The following ERCC2 variants were observed in gnomAD, a reference collection of about 807,000 sequenced individuals.
The protein encoded by ERCC2 is general transcription and DNA repair factor IIH helicase subunit XPD.
Under a neutral mutation model 99.4 loss-of-function variants are expected in ERCC2, and 90 were observed. That is an observed-to-expected ratio of 0.91 (90% confidence interval 0.76 to 1.08). The LOEUF (loss-of-function observed/expected upper bound fraction) is 1.08, where lower values mean the gene tolerates loss of function less well. Ranked by LOEUF, ERCC2 falls within the 50% of genes least tolerant of loss-of-function variation. The pLI is 0.00. For missense variants in ERCC2, 993 were observed against 1,038.1 expected, an observed-to-expected ratio of 0.96 and a Z score of 0.60; for synonymous variants, 497 against 432.4, an observed-to-expected ratio of 1.15 and a Z score of -1.85.
intron 5 of ERCC2, among the ~76,000 whole-genome samples, chr19:45,367,360 TATATATATACACACAC>T (rs886426556): frequency 1.5e-4 from 7 of 47,466 alleles, no homozygotes; most frequent in African/African-American, 5.1e-4. Context: ...CAAAAATATA[TATATATATACACACAC>T]ACACACACAC....
Position 45,354,710 on chromosome 19 carries a change from G to C in ERCC2, c.1665+20C>G. On this transcript the variant is annotated intron_variant, in intron 17 of 22. Coordinates refer to ENST00000391945, the MANE Select transcript of ERCC2 (RefSeq NM_000400.4). ...AGGGACTGAGGAGAGCAGGTGCAGG[G>C]AGGGGGTGGCCAGGCGTACCTGCTC... 1 of 1,613,438 alleles carries C rather than the reference G, an allele frequency of 6.2e-7. No homozygotes were observed. The highest frequency in any genetic ancestry group is 8.5e-7 in the Non-Finnish European group (1 of 1,179,726).
chr19:45,368,845 G>T, intron 4 of ERCC2, 85 bp downstream of exon 4: 1 of 1,576,310 alleles, frequency 6.3e-7, no homozygotes, highest in Non-Finnish European at 8.7e-7. Flanking sequence ...AAACACCCCC[G>T]AAAGCTGGTG....
At position 45,370,149 on chromosome 19, in the gene ERCC2, C is replaced by G; in HGVS notation, c.89G>C (p.Arg30Pro). The change falls in exon 2 of 23, where the codon CGC becomes CCC. Residue 30 changes from arginine to proline, a missense_variant. Coordinates refer to ENST00000391945, the MANE Select transcript of ERCC2 (RefSeq NM_000400.4). ...GCCACCCACCTTGGCGTCCAGCGTG[C>G]GTTTGAGCTCCCGCATGTAGGAGAA... ...EQFSYMRELK[R>P]TLDAKGHGVL... 2 of 1,613,108 alleles carry G rather than the reference C, an allele frequency of 1.2e-6. No individual in the cohort carries two copies. Among genetic ancestry groups the G allele is most frequent in the Non-Finnish European group, 1.7e-6 (2 of 1,179,266 alleles).
At position 45,357,549 on chromosome 19, in the gene ERCC2, G is replaced by A. The variant is rs759339375; in HGVS notation, c.1308-6C>T. The A allele has an allele frequency of 1.2e-6, 2 of 1,614,222 alleles. No homozygotes were observed. The highest frequency in any genetic ancestry group is 1.1e-5 in the South Asian group (1 of 91,082). ...CCAGCGAGGCGTCCATGCAGCTGGAGAGAGATGAGGGCAGTGAGGGCCCGG... is the reference window on the plus strand; with the variant it reads ...CCAGCGAGGCGTCCATGCAGCTGGAAAGAGATGAGGGCAGTGAGGGCCCGG... On this transcript the variant is annotated splice_region_variant and splice_polypyrimidine_tract_variant and intron_variant, in intron 13 of 22. Transcript: ENST00000391945.
intron 17 of ERCC2, among the ~76,000 whole-genome samples, chr19:45,353,917 CCTCT>C (rs1157267770): frequency 2.0e-5 from 3 of 152,176 alleles, no homozygotes; most frequent in Non-Finnish European, 4.4e-5. Flanking sequence ...AACAAAGGAG[CCTCT>C]CTCTATGACC....
chr19:45,350,410 G>C lies in ERCC2; in HGVS notation c.*1219C>G. The C allele has an allele frequency of 6.2e-7, 1 of 1,613,766 alleles. No individual in the cohort carries two copies. Among genetic ancestry groups the C allele is most frequent in the Non-Finnish European group, 8.5e-7 (1 of 1,179,924 alleles). On this transcript the variant is annotated 3_prime_UTR_variant, in exon 23 of 23. Coordinates refer to ENST00000391945, the MANE Select transcript of ERCC2 (RefSeq NM_000400.4). ...GCTGTACAAAGAAATCCTCCACAAG[G>C]AGGACCTACCCGCCCCTCTCGGTGA... is the stretch of plus-strand genomic sequence containing the variant.
chr19:45,353,765 G>A (rs560393169), intron 17 of ERCC2, among the ~76,000 whole-genome samples: 1 of 152,326 alleles, frequency 6.6e-6, no homozygotes, highest in South Asian at 2.1e-4. Flanking sequence ...TCAGTGGGGA[G>A]AGCTTTTACT....
chr19:45,351,833 ATGAATT>A, intron 22 of ERCC2, 112 bp from the exon 23 acceptor site: 1 of 938,674 alleles, frequency 1.1e-6, no homozygotes, highest in Non-Finnish European at 1.7e-6. Flanking sequence ...GGATGTTTGA[ATGAATT>A]TGGAGATGTC....
chr19:45,351,873 C>T, intron 22 of ERCC2, 152 bp from the exon 23 acceptor site: 1 of 725,464 alleles, frequency 1.4e-6, no homozygotes, highest in Non-Finnish European at 2.3e-6. Flanking sequence ...GCGGGCCATC[C>T]CTGTCAACAT....
Position 45,357,350 on chromosome 19 carries a change from A to G in ERCC2, c.1399T>C (p.Tyr467His). 1 of 1,614,048 alleles carries G rather than the reference A, an allele frequency of 6.2e-7. No homozygotes were observed. Among genetic ancestry groups the G allele is most frequent in the Non-Finnish European group, 8.5e-7 (1 of 1,179,916 alleles). ...TSGTLSPLDI[Y>H]PKILDFHPVT... ...GGGTGGAAGTCCAGGATCTTGGGGT[A>G]GATGTCCAGCGGGGACAGTGTCTGT... The change falls in exon 15 of 23, where the codon TAC becomes CAC. Residue 467 changes from tyrosine (Y) to histidine (H), a missense_variant. Tyr to His is a moderately conservative substitution (Grantham distance 83). Coordinates refer to ENST00000391945, the MANE Select transcript of ERCC2 (RefSeq NM_000400.4).
chr19:45,350,428 CT>C lies in ERCC2; in HGVS notation c.*1200del. 1 of 1,613,446 alleles carries C rather than the reference CT, an allele frequency of 6.2e-7. No individual in the cohort carries two copies. The highest frequency in any genetic ancestry group is 1.1e-5 in the South Asian group (1 of 91,040). ...CCACAAGGAGGACCTACCCGCCCCT[CT>C]CGGTGAGCCCCTAGCCCCTGTCTGT... On this transcript the variant is annotated 3_prime_UTR_variant, in exon 23 of 23. Coordinates refer to ENST00000391945, the MANE Select transcript of ERCC2 (RefSeq NM_000400.4).
chr19:45,370,040 C>G, intron 2 of ERCC2, 93 bp downstream of exon 2: 1 of 1,211,988 alleles, frequency 8.3e-7, no homozygotes, highest in Non-Finnish European at 1.2e-6. Flanking sequence ...GGACCTCGGA[C>G]TTCTAAAATC....
chr19:45,356,863 G>A (rs953269945), intron 15 of ERCC2, among the ~76,000 whole-genome samples: 1 of 152,160 alleles, frequency 6.6e-6, no homozygotes, highest in Non-Finnish European at 1.5e-5. Flanking sequence ...GGGACTGAGG[G>A]CTCATGTTGA....
At chr19:45,357,140 G>T in intron 15 of ERCC2, 130 bp downstream of exon 15, 2 of 669,670 alleles carry the variant, frequency 3.0e-6, no homozygotes, top group Non-Finnish European at 5.3e-6. Context: ...GCCTAAGTCT[G>T]TCTGAATCCC....
rs1971743011 is a variant in ERCC2, at chr19:45,351,100, G to C, written c.*529C>G. Reference sequence around the variant, plus strand: ...AGGCAAAGGCAGGGCGGTCGGGCCAGTGGTGGAGTCAGCAGGTGGTGGGTT... The same window carrying C: ...AGGCAAAGGCAGGGCGGTCGGGCCACTGGTGGAGTCAGCAGGTGGTGGGTT... On this transcript the variant is annotated 3_prime_UTR_variant, in exon 23 of 23. Coordinates refer to ENST00000391945, the MANE Select transcript of ERCC2 (RefSeq NM_000400.4). 4 of 1,610,224 alleles carry C rather than the reference G, an allele frequency of 2.5e-6. No individual in the cohort carries two copies. In the Admixed American group the frequency reaches 6.7e-5, roughly 27 times the overall value.
rs745382361 is a variant in ERCC2 at position 45,361,575 on chromosome 19, G to A, written c.1186C>T (p.Pro396Ser). ...GCAAAGTTAGCAAGGAGGGTGAGCG[G>A]GGAGAAGTCAGCAAGGTCGGTGATC... The part of the protein sequence containing the change: ...LEITDLADFS[P>S]LTLLANFATL... Residue 396 changes from proline (P) to serine (S), a missense_variant, in exon 12 of 23, where the codon CCG becomes TCG. By Grantham distance (74) the Pro-to-Ser change is moderately conservative (BLOSUM62 -1). Coordinates refer to ENST00000391945, the MANE Select transcript of ERCC2 (RefSeq NM_000400.4). 3.7e-6 allele frequency: 6 copies of A among 1,614,012 alleles called. No individual in the cohort carries two copies. The highest frequency in any genetic ancestry group is 5.1e-6 in the Non-Finnish European group (6 of 1,179,922).
intron 5 of ERCC2, among the ~76,000 whole-genome samples, chr19:45,366,977 G>A (rs1219660833): frequency 3.9e-5 from 6 of 152,120 alleles, no homozygotes; most frequent in Admixed American, 1.3e-4. Flanking sequence ...GGAGGTTGTG[G>A]TGAACCGAGA....
chr19:45,352,069 C>G (rs1053512025), intron 22 of ERCC2, 140 bp downstream of exon 22: 1 of 1,022,356 alleles, frequency 9.8e-7, no homozygotes, highest in Non-Finnish European at 1.5e-6. Flanking sequence ...GAGCCTGGCA[C>G]GTAGATGCAC....
At chr19:45,364,802 C>G (rs774522486) in intron 7 of ERCC2, 36 bp downstream of exon 7, 1 of 1,518,308 alleles carries the variant, frequency 6.6e-7, no homozygotes, top group Non-Finnish European at 9.1e-7. Flanking sequence ...CACACCCTCA[C>G]ACTCGCCCCT....
Sources: allele counts gnomAD v4.1 joint callset (sites outside exome capture counted in the v4.1 genomes callset), GRCh38; gene constraint gnomAD v4.1.1; transcripts MANE v1.5; gene names NCBI Gene and HGNC (gene_info 2026-07-23, HGNC 2026-07-21).